Variants in RIMBP2 observed in about 807,000 individuals in gnomAD.
The protein encoded by RIMBP2 is RIMS-binding protein 2.
RIMBP2 carries 48 observed loss-of-function variants against 118.6 expected under a neutral mutation model. That is an observed-to-expected ratio of 0.40 (90% confidence interval 0.32 to 0.51). The LOEUF (loss-of-function observed/expected upper bound fraction) is 0.51, where lower values mean the gene tolerates loss of function less well. Ranked by LOEUF, RIMBP2 falls within the 20% of genes least tolerant of loss-of-function variation. The pLI is 0.41. For synonymous variants in RIMBP2, 762 were observed against 742.9 expected (o/e 1.03, Z -0.42); for missense variants, 1,551 against 1,768.3 (o/e 0.88, Z 2.20).
intron 1 of RIMBP2, among the ~76,000 whole-genome samples, chr12:130,635,877 C>T (rs2062318861): frequency 6.6e-6 from 1 of 152,072 alleles, no homozygotes. Flanking sequence ...CCTGCATTCT[C>T]CTACTGGGGC....
Position 130,623,849 on chromosome 12 carries a change from C to T in RIMBP2, c.-217+4473G>A, listed in dbSNP as rs1024014615. 1.1e-4 allele frequency among the ~76,000 whole-genome samples: 17 copies of T among 152,314 alleles called. No homozygotes were observed. Among genetic ancestry groups the T allele is most frequent in the South Asian group, 8.3e-4 (4 of 4,828 alleles). ...CTCATCCCTCAAGCAGATAATCCCACGGTGTACACCACAGTCTCCCAGAGG... is the reference window on the plus strand; with the variant it reads ...CTCATCCCTCAAGCAGATAATCCCATGGTGTACACCACAGTCTCCCAGAGG... On this transcript the variant is annotated intron_variant, in intron 2 of 22. Transcript: ENST00000690449. The surrounding 1 kb of genome is among the most constrained non-coding windows in gnomAD (Gnocchi z 4.1).
intron 1 of RIMBP2, among the ~76,000 whole-genome samples, chr12:130,711,290 C>A (rs1298510146): frequency 6.6e-6 from 1 of 152,146 alleles, no homozygotes; most frequent in East Asian, 1.9e-4. Context: ...TCCAGAGAAG[C>A]CCCAATTTCC....
At position 130,675,883 on chromosome 12, in the gene RIMBP2, C is replaced by T. The variant is rs73159188; in HGVS notation, c.-352+40339G>A. Among the ~76,000 whole-genome samples, 108 of 152,338 alleles carry T rather than the reference C, an allele frequency of 7.1e-4. 2 individuals carry two copies. The Middle Eastern group carries it at 0.014, about 19-fold the overall frequency. The stretch of plus-strand genomic sequence containing the variant: ...GAATGTGGGACCCCCGGCTAGACCT[C>T]GCATGCTGCAATTCTAAGCCCCTAA... On this transcript the variant is annotated intron_variant, in intron 1 of 22. Coordinates refer to ENST00000690449, the MANE Select transcript of RIMBP2 (RefSeq NM_001393629.1).
At position 130,688,200 on chromosome 12, in the gene RIMBP2, G is replaced by T. The variant is rs1223894901; in HGVS notation, c.-352+28022C>A. 1.3e-5 allele frequency among the ~76,000 whole-genome samples: 2 copies of T among 152,168 alleles called. No homozygotes were observed. The highest frequency in any genetic ancestry group is 2.9e-5 in the Non-Finnish European group (2 of 68,030). On this transcript the variant is annotated intron_variant, in intron 1 of 22. Coordinates refer to ENST00000690449, the MANE Select transcript of RIMBP2 (RefSeq NM_001393629.1). The surrounding 1 kb of genome is among the most constrained non-coding windows in gnomAD (Gnocchi z 4.7). ...TTCATGCTGCTTGGCTTTGTGAACAGTTGCGTGGTGGCTTCTCAGCGGCCT... is the reference window on the plus strand; with the variant it reads ...TTCATGCTGCTTGGCTTTGTGAACATTTGCGTGGTGGCTTCTCAGCGGCCT...
chr12:130,512,394 CTCACTGCAACCT>C (rs1404877029), intron 3 of RIMBP2, among the ~76,000 whole-genome samples: 8 of 152,144 alleles, frequency 5.3e-5, no homozygotes, highest in Admixed American at 5.2e-4. Context: ...ATGATCTTGG[CTCACTGCAACCT>C]TCACCTCCTG....
chr12:130,582,990 A>T (rs937591165), intron 2 of RIMBP2, among the ~76,000 whole-genome samples: 2 of 152,240 alleles, frequency 1.3e-5, no homozygotes, highest in South Asian at 4.1e-4. Flanking sequence ...ATACTTAAGA[A>T]TGTTCAAGGG....
chr12:130,566,095 C>T (rs558273084), intron 2 of RIMBP2, among the ~76,000 whole-genome samples: 1 of 152,164 alleles, frequency 6.6e-6, no homozygotes, highest in South Asian at 2.1e-4. Context: ...CTGTAATCTG[C>T]CAGCCCATAG....
At chr12:130,432,958 G>A (rs117898958) in intron 14 of RIMBP2, among the ~76,000 whole-genome samples, 27 of 152,320 alleles carry the variant, frequency 1.8e-4, no homozygotes, top group Non-Finnish European at 3.8e-4. Flanking sequence ...TGGCCCCTAA[G>A]GTTAGGGAAA....
chr12:130,571,416 A>ATATT (rs1555294910), intron 2 of RIMBP2, among the ~76,000 whole-genome samples: 10 of 104,274 alleles, frequency 9.6e-5, no homozygotes, highest in South Asian at 6.2e-4. Context: ...CCATAGTAAC[A>ATATT]TTTTTTTTTT....
intron 2 of RIMBP2, among the ~76,000 whole-genome samples, chr12:130,564,236 G>C (rs961060798): frequency 6.6e-6 from 1 of 151,514 alleles, no homozygotes; most frequent in African/African-American, 2.4e-5. Flanking sequence ...CAGGTCTTTG[G>C]CCATATTTCA....
chr12:130,444,465 A>T (rs1322142571), intron 10 of RIMBP2, among the ~76,000 whole-genome samples: 3 of 152,226 alleles, frequency 2.0e-5, no homozygotes, highest in African/African-American at 7.2e-5. Context: ...CTCAGGGGGA[A>T]GAGGAAGAAA....
rs2076669623 is a variant in RIMBP2, at chr12:130,424,795, G to T, written c.2476C>A (p.Pro826Thr). ...ATACTGAAAAGTCTCTTCCTGTGGG[G>T]CTGGTGGGGAAACTCGGGCTGCTCC... ...FWEQPEFPHQ[P>T]HRKRLFSIPE... The change falls in exon 16 of 23, where the codon CCC (proline) becomes ACC (threonine). Residue 826 changes from proline to threonine, a missense_variant. Physicochemically the swap from Pro to Thr is conservative, Grantham distance 38. Around this residue, in one of 5 missense-constraint regions of RIMBP2, gnomAD observed 1,038 missense variants for 1,125.1 expected, o/e 0.92. Coordinates refer to ENST00000690449, the MANE Select transcript of RIMBP2 (RefSeq NM_001393629.1). The surrounding 1 kb of genome is among the most constrained non-coding windows in gnomAD (Gnocchi z 9.8). 5 of 1,232,856 alleles carry T rather than the reference G, an allele frequency of 4.1e-6. No homozygotes were observed. The highest frequency in any genetic ancestry group is 5.1e-6 in the Non-Finnish European group (5 of 988,656). The allele number at this position is 1,232,856 out of a possible 1,614,324, so 76.4% of individuals were successfully genotyped here.
intron 6 of RIMBP2, among the ~76,000 whole-genome samples, chr12:130,457,545 G>A (rs1457277087): frequency 1.3e-5 from 2 of 152,214 alleles, no homozygotes; most frequent in East Asian, 3.9e-4. Context: ...TCCTGACATA[G>A]GTTTCTGGCA....
At chr12:130,709,831 G>A (rs978817868) in intron 1 of RIMBP2, among the ~76,000 whole-genome samples, 2 of 150,478 alleles carry the variant, frequency 1.3e-5, no homozygotes, top group South Asian at 2.2e-4. Context: ...CTGTACCAAC[G>A]CACCCCCAGG....
At chr12:130,658,934 A>ACC (rs2063539302) in intron 1 of RIMBP2, 3 of 151,548 alleles carry the variant, frequency 2.0e-5, no homozygotes, top group East Asian at 2.0e-4. Context: ...ACCTCACTCA[A>ACC]TCTCCCTTCC....
intron 21 of RIMBP2, among the ~76,000 whole-genome samples, chr12:130,400,344 A>G (rs1335733806): frequency 6.6e-6 from 1 of 152,208 alleles, no homozygotes; most frequent in Non-Finnish European, 1.5e-5. Flanking sequence ...TTCAAACAAT[A>G]TGGAGAAAAT....
At chr12:130,663,156 A>G (rs2063732805) in intron 1 of RIMBP2, among the ~76,000 whole-genome samples, 1 of 152,146 alleles carries the variant, frequency 6.6e-6, no homozygotes, top group Non-Finnish European at 1.5e-5. Flanking sequence ...TATCAAGAGG[A>G]TAACAGGGTG....
chr12:130,670,974 G>T lies in RIMBP2; in HGVS notation c.-351-42518C>A, dbSNP rs2064170216. On this transcript the variant is annotated intron_variant, in intron 1 of 22. Transcript: ENST00000690449. This position sits in a 1 kb window ranked among gnomAD's most constrained non-coding sequence, Gnocchi z 4.9. ...GGGGTTTCACCATGTTGGCCAGGCT[G>T]GTCTCAAACTCCTGACTTCAGGTGA... 6.6e-6 allele frequency among the ~76,000 whole-genome samples: 1 copy of T among 152,128 alleles called. No individual in the cohort carries two copies. The highest frequency in any genetic ancestry group is 2.1e-4 in the South Asian group (1 of 4,816).
intron 1 of RIMBP2, among the ~76,000 whole-genome samples, chr12:130,687,137 G>A (rs2065090117): frequency 6.6e-6 from 1 of 152,102 alleles, no homozygotes; most frequent in Non-Finnish European, 1.5e-5. Flanking sequence ...CTAAAACCTC[G>A]TCTAGTTCCT....
Sources: gnomAD v4.1 joint callset for allele counts (sites outside exome capture counted in the v4.1 genomes callset) on GRCh38, gnomAD v4.1.1 for gene constraint, gnomAD v4.1.1 regional missense constraint, Gnocchi (gnomAD v3.1) non-coding constraint, MANE v1.5 for transcripts, NCBI Gene and HGNC (gene_info 2026-07-23, HGNC 2026-07-21) for gene names.